CUX1: variants seen among roughly 807,000 people sequenced by gnomAD.
CUX1 encodes the protein protein CASP.
In CUX1, 31 loss-of-function variants were observed where a neutral mutation model predicts 158.8. The ratio of observed to expected loss-of-function variants is 0.20; its 90% CI spans 0.15 to 0.26. The LOEUF (loss-of-function observed/expected upper bound fraction) is 0.26, where lower values mean the gene tolerates loss of function less well. CUX1 is among the 10% of genes least tolerant of loss of function. The probability of loss-of-function intolerance (pLI) is 1.00; values close to 1 mark genes in which losing one functional copy is unlikely to be tolerated. For synonymous variants in CUX1, 879 were observed against 862.1 expected (o/e 1.02, Z -0.34); for missense variants, 1,589 against 2,014.6 (o/e 0.79, Z 4.04).
At chr7:102,164,818 G>T (rs868988207) in intron 9 of CUX1, among the ~76,000 whole-genome samples, 1 of 152,150 alleles carries the variant, frequency 6.6e-6, no homozygotes, top group African/African-American at 2.4e-5. Context: ...TTCCTCGGGG[G>T]ACTTGCTCAT....
At chr7:101,873,837 A>C (rs1208152529) in intron 1 of CUX1, among the ~76,000 whole-genome samples, 1 of 152,132 alleles carries the variant, frequency 6.6e-6, no homozygotes, top group Non-Finnish European at 1.5e-5. Context: ...CGCCTGCCTC[A>C]GCCTCCCAAA....
intron 9 of CUX1, among the ~76,000 whole-genome samples, chr7:102,168,989 A>G (rs868955189): frequency 6.3e-5 from 9 of 143,126 alleles, no homozygotes; most frequent in Admixed American, 1.5e-4. Flanking sequence ...CTGGAGTGCA[A>G]TGGCGTGATC....
intron 2 of CUX1, among the ~76,000 whole-genome samples, chr7:101,929,940 C>G (rs1806103412): frequency 2.0e-5 from 3 of 152,190 alleles, no homozygotes; most frequent in Admixed American, 2.0e-4. Flanking sequence ...CTCCCGGGTT[C>G]AAGCGATTCT....
In CUX1 at chr7:102,255,231, C is replaced by T. The variant is rs759194254; in HGVS notation, c.*6189C>T. The T allele has an allele frequency of 1.6e-4, 158 of 985,336 alleles. No homozygotes were observed. Among genetic ancestry groups the T allele is most frequent in the Admixed American group, 2.5e-4 (4 of 16,260 alleles). 61.0% of individuals were successfully genotyped at this position (985,336 alleles called of 1,614,324 possible). The stretch of plus-strand genomic sequence containing the variant: ...CAGGCCTCTCCCACCACCACCTTCC[C>T]TCCAAAGATAACCGTGTCCATGCCA... On this transcript the variant is annotated 3_prime_UTR_variant, in exon 24 of 24. Coordinates refer to ENST00000292535, the MANE Select transcript of CUX1 (RefSeq NM_181552.4).
chr7:101,845,768 G>A (rs532259672), intron 1 of CUX1, among the ~76,000 whole-genome samples: 1 of 152,300 alleles, frequency 6.6e-6, no homozygotes, highest in Admixed American at 6.5e-5. Flanking sequence ...TATAATCCCC[G>A]CACTTTGGGA....
chr7:102,244,556 G>A (rs147387293), intron 23 of CUX1, among the ~76,000 whole-genome samples: 2,573 of 152,222 alleles, frequency 0.017, 30 homozygotes, highest in Middle Eastern at 0.061. Context: ...ACAGGCGGGC[G>A]TGGTGGTGCA....
intron 2 of CUX1, among the ~76,000 whole-genome samples, chr7:102,021,511 T>C (rs1371184579): frequency 2.0e-5 from 3 of 152,116 alleles, no homozygotes; most frequent in Admixed American, 6.6e-5. Flanking sequence ...TTTCACCACG[T>C]TGCCCAAGCT....
At chr7:102,165,564 C>T (rs1665562802) in intron 9 of CUX1, among the ~76,000 whole-genome samples, 1 of 152,054 alleles carries the variant, frequency 6.6e-6, no homozygotes, top group South Asian at 2.1e-4. Flanking sequence ...AGGATTTCAC[C>T]ATGTTGACCA....
rs144593532 is a variant in CUX1, at chr7:102,219,209, T to A, written c.3131-8158T>A. Among the ~76,000 whole-genome samples, 131 of 151,190 alleles carry A rather than the reference T, an allele frequency of 8.7e-4. No individual in the cohort carries two copies. In the East Asian group the frequency reaches 0.017, roughly 20 times the overall value. ...TCCCTGCAGAGGGTGTGTGTGTGTG[T>A]GAGAGAGAGAGAGAAAGAAAATCAT... On this transcript the variant is annotated intron_variant, in intron 20 of 23. Transcript: ENST00000292535.
intron 2 of CUX1, among the ~76,000 whole-genome samples, chr7:101,992,245 A>T (rs1202167410): frequency 6.6e-6 from 1 of 152,140 alleles, no homozygotes; most frequent in East Asian, 1.9e-4. Context: ...TTGGGGGGCA[A>T]CCTAAAACCC....
intron 3 of CUX1, among the ~76,000 whole-genome samples, chr7:102,049,060 C>T (rs1412606230): frequency 2.0e-5 from 3 of 152,096 alleles, no homozygotes; most frequent in Non-Finnish European, 2.9e-5. Flanking sequence ...GCCTCCCCTG[C>T]TTTGCTGCTG....
intron 1 of CUX1, among the ~76,000 whole-genome samples, chr7:101,838,397 TGGGATTACAGGC>T (rs1243960643): frequency 6.6e-6 from 1 of 150,640 alleles, no homozygotes; most frequent in African/African-American, 2.4e-5. Flanking sequence ...CCCAAAGTGC[TGGGATTACAGGC>T]GTGAGCCACC....
chr7:102,193,990 C>G, intron 13 of CUX1, 100 bp downstream of exon 13: 1 of 1,151,476 alleles, frequency 8.7e-7, no homozygotes, highest in Non-Finnish European at 1.3e-6. Flanking sequence ...TCTACGAGAC[C>G]TCTCACTTAC....
intron 8 of CUX1, among the ~76,000 whole-genome samples, chr7:102,138,587 T>A (rs1186668006): frequency 6.6e-6 from 1 of 152,208 alleles, no homozygotes; most frequent in Non-Finnish European, 1.5e-5. Context: ...TGTACTGTTA[T>A]TAGATTACAT....
intron 8 of CUX1, among the ~76,000 whole-genome samples, chr7:102,144,188 C>T (rs932148408): frequency 6.6e-6 from 1 of 152,178 alleles, no homozygotes; most frequent in Non-Finnish European, 1.5e-5. Flanking sequence ...TTGCTTATCA[C>T]CTTGTTTCAT....
At chr7:102,046,405 A>T (rs901301186) in intron 3 of CUX1, among the ~76,000 whole-genome samples, 29 of 150,858 alleles carry the variant, frequency 1.9e-4, no homozygotes, top group Non-Finnish European at 3.8e-4. Context: ...GCTAATTTTT[A>T]TATGTTTAGT....
intron 4 of CUX1, among the ~76,000 whole-genome samples, chr7:102,092,968 G>C (rs1254861785): frequency 6.7e-6 from 1 of 149,538 alleles, no homozygotes; most frequent in African/African-American, 2.5e-5. Context: ...TCCTTTTCCC[G>C]GTTTCTCCAG....
chr7:102,019,825 C>A (rs1819136354), intron 2 of CUX1, among the ~76,000 whole-genome samples: 1 of 152,128 alleles, frequency 6.6e-6, no homozygotes, highest in Admixed American at 6.5e-5. Flanking sequence ...TGAGTTTATC[C>A]CTTTCAAGAT....
At chr7:102,195,392 C>T (rs1586155340) in intron 13 of CUX1, 115 bp from the exon 14 acceptor site, 1 of 762,254 alleles carries the variant, frequency 1.3e-6, no homozygotes, top group East Asian at 2.8e-5. Flanking sequence ...CTAATCAGAT[C>T]GAGAGCTGGG....
Sources: gnomAD v4.1 joint callset for allele counts (sites outside exome capture counted in the v4.1 genomes callset) on GRCh38, gnomAD v4.1.1 for gene constraint, MANE v1.5 for transcripts, NCBI Gene and HGNC (gene_info 2026-07-23, HGNC 2026-07-21) for gene names.